The following SLC25A48 variants were observed in gnomAD, a reference collection of about 807,000 sequenced individuals.
SLC25A48 encodes the protein CTC-321K16.1.
A neutral mutation model predicts 32.2 loss-of-function variants in SLC25A48; 29 were observed. That is an observed-to-expected ratio of 0.90 (90% CI 0.67 to 1.23). The LOEUF (loss-of-function observed/expected upper bound fraction) is 1.23, where lower values mean the gene tolerates loss of function less well. SLC25A48 is among the 50% of genes most tolerant of loss of function. The pLI is 0.00. For synonymous variants in SLC25A48, 164 were observed against 172.3 expected (o/e 0.95, Z 0.38); for missense variants, 399 against 422.7 (o/e 0.94, Z 0.49).
intron 2 of SLC25A48, among the ~76,000 whole-genome samples, chr5:135,844,069 C>A (rs1270032065): frequency 1.3e-5 from 2 of 152,174 alleles, no homozygotes; most frequent in South Asian, 4.1e-4. Flanking sequence ...TCCTTAGAAA[C>A]CTTTTCCACC....
chr5:135,723,390 A>T (rs866520873), intron 3 of SLC25A48, among the ~76,000 whole-genome samples: 2 of 79,766 alleles, frequency 2.5e-5, no homozygotes, highest in South Asian at 4.7e-4. Flanking sequence ...TCACACACAC[A>T]CACACACACA....
At chr5:135,679,017 G>A (rs1174825813) in intron 3 of SLC25A48, among the ~76,000 whole-genome samples, 1 of 152,198 alleles carries the variant, frequency 6.6e-6, no homozygotes, top group Non-Finnish European at 1.5e-5. Flanking sequence ...AGGTCTGCAG[G>A]CAGCTTGCTT....
At chr5:135,591,060 G>A (rs943880923) in intron 1 of SLC25A48, among the ~76,000 whole-genome samples, 23 of 152,238 alleles carry the variant, frequency 1.5e-4, no homozygotes, top group Admixed American at 3.3e-4. Flanking sequence ...AGCCTCCAGG[G>A]TATCTGGGTG....
intron 3 of SLC25A48, among the ~76,000 whole-genome samples, chr5:135,757,350 A>G (rs1454820046): frequency 2.0e-5 from 3 of 149,706 alleles, no homozygotes; most frequent in Non-Finnish European, 4.5e-5. Context: ...TCTAGTGTTA[A>G]CACACAATAA....
intron 3 of SLC25A48, among the ~76,000 whole-genome samples, chr5:135,791,198 G>T (rs577963963): frequency 6.6e-6 from 1 of 151,814 alleles, no homozygotes; most frequent in South Asian, 2.1e-4. Flanking sequence ...GTATCACAGT[G>T]GGTGTACAAC....
chr5:135,662,055 A>G (rs1753413598), intron 3 of SLC25A48, among the ~76,000 whole-genome samples: 1 of 152,162 alleles, frequency 6.6e-6, no homozygotes, highest in Non-Finnish European at 1.5e-5. Context: ...TTCCACTGGC[A>G]ATGCATACAA....
intron 3 of SLC25A48, among the ~76,000 whole-genome samples, chr5:135,637,777 G>A (rs1194129670): frequency 6.6e-6 from 1 of 152,106 alleles, no homozygotes; most frequent in East Asian, 1.9e-4. Context: ...CATTTTTCGG[G>A]AAACTAATTG....
intron 3 of SLC25A48, among the ~76,000 whole-genome samples, chr5:135,641,751 C>T (rs1171705983): frequency 6.6e-6 from 1 of 152,174 alleles, no homozygotes; most frequent in Non-Finnish European, 1.5e-5. Flanking sequence ...TATGCTTTGG[C>T]ATCTCATCTA....
chr5:135,715,346 C>T (rs1214152627), intron 3 of SLC25A48, among the ~76,000 whole-genome samples: 1 of 152,156 alleles, frequency 6.6e-6, no homozygotes. Flanking sequence ...GGACTTCATT[C>T]AGGTTTCTGG....
At chr5:135,650,820 G>A (rs1235059749) in intron 3 of SLC25A48, among the ~76,000 whole-genome samples, 4 of 152,152 alleles carry the variant, frequency 2.6e-5, no homozygotes, top group African/African-American at 4.8e-5. Context: ...GGGGGGCATA[G>A]GCAGAGGAGC....
chr5:135,728,841 TACACACACACAC>T (rs33918902), intron 3 of SLC25A48, among the ~76,000 whole-genome samples: 91 of 141,664 alleles, frequency 6.4e-4, no homozygotes, highest in African/African-American at 2.2e-3. Context: ...CATACACAAA[TACACACACACAC>T]ACACACACAC....
chr5:135,644,271 T>C (rs1456335590), intron 3 of SLC25A48, among the ~76,000 whole-genome samples: 2 of 151,964 alleles, frequency 1.3e-5, no homozygotes, highest in Non-Finnish European at 2.9e-5. Flanking sequence ...AAGCCTAATA[T>C]GGTGGGAACC....
upstream of SLC25A48, among the ~76,000 whole-genome samples, chr5:135,831,568 G>A (rs1371865200): frequency 3.9e-5 from 6 of 152,336 alleles, no homozygotes; most frequent in South Asian, 1.0e-3. Context: ...GTCAGGAGGT[G>A]ACAGCTGAAC....
intron 3 of SLC25A48, among the ~76,000 whole-genome samples, chr5:135,764,102 G>A (rs1277019454): frequency 6.6e-6 from 1 of 152,088 alleles, no homozygotes; most frequent in Non-Finnish European, 1.5e-5. Flanking sequence ...ATATCGCAAG[G>A]GGTGTACACC....
chr5:135,650,138 A>G (rs1753072139), intron 3 of SLC25A48: 4 of 195,884 alleles, frequency 2.0e-5, no homozygotes, highest in Non-Finnish European at 4.2e-5. Flanking sequence ...GCTTGGAGAG[A>G]AAGCTGTCAG....
intron 3 of SLC25A48, among the ~76,000 whole-genome samples, chr5:135,659,120 C>A (rs1247901324): frequency 6.6e-6 from 1 of 152,184 alleles, no homozygotes; most frequent in Admixed American, 6.5e-5. Flanking sequence ...ATTTTCCAAA[C>A]TTTTATTCTC....
At chr5:135,868,379 T>A (rs1761364625) in intron 4 of SLC25A48, among the ~76,000 whole-genome samples, 2 of 152,174 alleles carry the variant, frequency 1.3e-5, no homozygotes, top group African/African-American at 4.8e-5. Context: ...TATGGAAATG[T>A]TCCAGATTGA....
At chr5:135,792,951 C>T (rs924800898) in intron 3 of SLC25A48, among the ~76,000 whole-genome samples, 1 of 151,296 alleles carries the variant, frequency 6.6e-6, no homozygotes, top group African/African-American at 2.4e-5. Context: ...CATTATGTCA[C>T]AGTGGATATA....
chr5:135,714,757 T>C (rs1237788086), intron 3 of SLC25A48: 3 of 152,330 alleles, frequency 2.0e-5, no homozygotes, highest in African/African-American at 4.8e-5. Flanking sequence ...AAGGCCATTA[T>C]TATCCTATTC....
Sources: gnomAD v4.1 joint callset for allele counts (sites outside exome capture counted in the v4.1 genomes callset) on GRCh38, gnomAD v4.1.1 for gene constraint, MANE v1.5 for transcripts, NCBI Gene and HGNC (gene_info 2026-07-23, HGNC 2026-07-21) for gene names.